Variants in NAALADL2 observed in about 807,000 individuals in gnomAD.
NAALADL2 encodes inactive N-acetylated-alpha-linked acidic dipeptidase-like protein 2.
NAALADL2 carries 76 observed loss-of-function variants against 87.2 expected under a neutral mutation model. The ratio of observed to expected loss-of-function variants is 0.87; its 90% CI spans 0.72 to 1.05. The LOEUF (loss-of-function observed/expected upper bound fraction) is 1.05. Ranked by LOEUF, NAALADL2 falls within the 50% of genes least tolerant of loss-of-function variation. The pLI, the probability that NAALADL2 is intolerant of heterozygous loss-of-function variation, is 0.00. For missense variants in NAALADL2, 1,089 were observed against 945.8 expected (o/e 1.15, Z -1.99); for synonymous variants, 354 against 331.0 (o/e 1.07, Z -0.75).
intron 1 of NAALADL2, among the ~76,000 whole-genome samples, chr3:174,899,703 T>C (rs949877628): frequency 2.6e-5 from 4 of 152,126 alleles, no homozygotes; most frequent in African/African-American, 7.2e-5. Flanking sequence ...GATATTTCTT[T>C]ATAGCAATGC....
At chr3:175,442,478 G>T (rs1448378226) in intron 5 of NAALADL2, among the ~76,000 whole-genome samples, 2 of 152,022 alleles carry the variant, frequency 1.3e-5, no homozygotes. Context: ...CAGTAACTTT[G>T]GCTCTATGGC....
intron 1 of NAALADL2, among the ~76,000 whole-genome samples, chr3:174,865,523 C>T (rs575368538): frequency 1.7e-4 from 26 of 152,012 alleles, no homozygotes; most frequent in East Asian, 7.7e-4. Context: ...TTAATGCAAT[C>T]GTAGACCAGC....
chr3:174,636,210 C>A (rs932451832), intron 2 of NAALADL2, among the ~76,000 whole-genome samples: 22 of 152,160 alleles, frequency 1.4e-4, no homozygotes, highest in African/African-American at 4.8e-4. Context: ...AGGACTGAAA[C>A]ATAATACCTG....
At chr3:175,543,399 G>C (rs1404323629) in intron 9 of NAALADL2, among the ~76,000 whole-genome samples, 2 of 152,080 alleles carry the variant, frequency 1.3e-5, no homozygotes, top group Non-Finnish European at 2.9e-5. Flanking sequence ...TAGAGTTTAG[G>C]GGTGTTAAAG....
intron 1 of NAALADL2, among the ~76,000 whole-genome samples, chr3:174,457,741 G>A (rs1715936017): frequency 1.3e-5 from 2 of 152,220 alleles, no homozygotes; most frequent in African/African-American, 2.4e-5. Flanking sequence ...AATCCGGGAG[G>A]TGGAGGTTGT....
chr3:174,504,503 C>T (rs1560019157), intron 1 of NAALADL2, among the ~76,000 whole-genome samples: 2 of 152,016 alleles, frequency 1.3e-5, no homozygotes, highest in Non-Finnish European at 2.9e-5. Flanking sequence ...TTAGTTTATG[C>T]AGAGTAGAAG....
chr3:174,868,462 G>GT (rs1454040387), intron 1 of NAALADL2, among the ~76,000 whole-genome samples: 1 of 152,076 alleles, frequency 6.6e-6, no homozygotes, highest in South Asian at 2.1e-4. Flanking sequence ...CTTGATAAAT[G>GT]TTTTTTCTGT....
At chr3:175,399,061 A>C (rs556230087) in intron 5 of NAALADL2, among the ~76,000 whole-genome samples, 9 of 152,202 alleles carry the variant, frequency 5.9e-5, no homozygotes, top group African/African-American at 2.2e-4. Flanking sequence ...TAAAAAATAA[A>C]AAAAAGAGAA....
At chr3:175,555,992 T>C (rs1209023789) in intron 9 of NAALADL2, among the ~76,000 whole-genome samples, 2 of 152,162 alleles carry the variant, frequency 1.3e-5, no homozygotes, top group African/African-American at 4.8e-5. Flanking sequence ...TAAGAAGCCA[T>C]TTTGAAGGAT....
rs144139650 is a variant in NAALADL2, at chr3:174,867,062, G to T, written c.43+7612G>T. 3.5e-3 allele frequency among the ~76,000 whole-genome samples: 533 copies of T among 151,718 alleles called. 1 individual carries two copies. Among genetic ancestry groups the T allele is most frequent in the African/African-American group, 0.012 (516 of 41,442 alleles). ...AGTAACATAATCTGCAATTAAGTTG[G>T]TATGTAGGTAATAGAATGTTCTGGA... On this transcript the variant is annotated intron_variant, in intron 1 of 13. Transcript: ENST00000454872.
At chr3:174,987,818 A>T (rs868402850) in intron 1 of NAALADL2, among the ~76,000 whole-genome samples, 73 of 134,650 alleles carry the variant, frequency 5.4e-4, no homozygotes, top group East Asian at 9.1e-4. Context: ...ATAATTATAT[A>T]TATATATATA....
At chr3:174,724,920 CAG>C (rs1428692917) in intron 2 of NAALADL2, among the ~76,000 whole-genome samples, 1 of 152,076 alleles carries the variant, frequency 6.6e-6, no homozygotes, top group African/African-American at 2.4e-5. Flanking sequence ...GTCAAAAATG[CAG>C]AGTCTGGAGC....
intron 2 of NAALADL2, among the ~76,000 whole-genome samples, chr3:174,602,305 T>C (rs1056538418): frequency 1.3e-5 from 2 of 152,022 alleles, no homozygotes; most frequent in African/African-American, 4.8e-5. Context: ...CTTTCATCAG[T>C]TTTTATAGTA....
At chr3:174,842,510 A>G (rs1388525355) in intron 3 of NAALADL2, among the ~76,000 whole-genome samples, 2 of 152,144 alleles carry the variant, frequency 1.3e-5, no homozygotes, top group Non-Finnish European at 2.9e-5. Flanking sequence ...CTGAGATATT[A>G]CCTCAAAATG....
At chr3:175,045,363 C>A (rs1754545890) in intron 1 of NAALADL2, among the ~76,000 whole-genome samples, 1 of 152,138 alleles carries the variant, frequency 6.6e-6, no homozygotes, top group Non-Finnish European at 1.5e-5. Context: ...TGTTTTATCT[C>A]TGGGATCCCC....
intron 12 of NAALADL2, among the ~76,000 whole-genome samples, chr3:175,749,661 T>A (rs951801216): frequency 6.6e-6 from 1 of 152,202 alleles, no homozygotes; most frequent in South Asian, 2.1e-4. Context: ...CACCTTCCAA[T>A]GCCATTACAC....
intron 1 of NAALADL2, among the ~76,000 whole-genome samples, chr3:174,526,346 T>C (rs2108428433): frequency 6.6e-6 from 1 of 152,330 alleles, no homozygotes; most frequent in East Asian, 1.9e-4. Context: ...CTAGCTCTGC[T>C]ACTTACTAGC....
intron 9 of NAALADL2, among the ~76,000 whole-genome samples, chr3:175,538,905 G>C (rs2149463611): frequency 6.6e-6 from 1 of 152,224 alleles, no homozygotes; most frequent in Middle Eastern, 3.4e-3. Flanking sequence ...AGATTTACTA[G>C]AATTATATAG....
intron 1 of NAALADL2, among the ~76,000 whole-genome samples, chr3:174,524,049 T>C (rs1720506293): frequency 6.6e-6 from 1 of 152,136 alleles, no homozygotes. Context: ...ATAGTTCTTT[T>C]GGTCTTCTGA....
Sources: gnomAD v4.1 joint callset for allele counts (sites outside exome capture counted in the v4.1 genomes callset) on GRCh38, gnomAD v4.1.1 for gene constraint, MANE v1.5 for transcripts, NCBI Gene and HGNC (gene_info 2026-07-23, HGNC 2026-07-21) for gene names.